Variants in CLIP1 observed in about 807,000 individuals in gnomAD.
The protein encoded by CLIP1 is CAP-Gly domain-containing linker protein 1.
A neutral mutation model predicts 161.6 loss-of-function variants in CLIP1; 66 were observed. The observed-to-expected ratio is 0.41, with a 90% confidence interval of 0.33 to 0.50. The LOEUF is 0.50. Among genes scored for constraint, CLIP1 ranks in the 20% least tolerant of loss-of-function variants. The pLI, the probability that CLIP1 is intolerant of heterozygous loss-of-function variation, is 0.27. For synonymous variants in CLIP1, 598 were observed against 626.2 expected, an observed-to-expected ratio of 0.96 and a Z score of 0.67; for missense variants, 1,376 against 1,702.0, an observed-to-expected ratio of 0.81 and a Z score of 3.37.
intron 1 of CLIP1, among the ~76,000 whole-genome samples, chr12:122,420,212 G>C (rs1391272181): frequency 6.6e-6 from 1 of 151,782 alleles, no homozygotes; most frequent in Non-Finnish European, 1.5e-5. Context: ...AGGCATGGTG[G>C]CAGGCACCTA....
At chr12:122,391,608 A>G (rs946411877) in intron 1 of CLIP1, among the ~76,000 whole-genome samples, 1 of 152,130 alleles carries the variant, frequency 6.6e-6, no homozygotes, top group African/African-American at 2.4e-5. Context: ...AATAAATAAA[A>G]TAGTAATAAG....
intron 10 of CLIP1, 60 bp from the exon 11 acceptor site, chr12:122,341,757 CTTTTCTTTTTTTT>C: frequency 2.2e-5 from 2 of 89,254 alleles, no homozygotes; most frequent in South Asian, 2.0e-4. Flanking sequence ...TGACTATTTT[CTTTTCTTTTTTTT>C]TTTTTTTTTT....
At chr12:122,319,502 A>T (rs901260657) in intron 17 of CLIP1, among the ~76,000 whole-genome samples, 154 bp from the exon 18 acceptor site, 6 of 152,278 alleles carry the variant, frequency 3.9e-5, no homozygotes, top group Admixed American at 6.5e-5. Context: ...GTGCTGAAAC[A>T]GACGGACCAG....
At chr12:122,409,811 C>T (rs1046332707) in intron 1 of CLIP1, among the ~76,000 whole-genome samples, 7 of 151,980 alleles carry the variant, frequency 4.6e-5, no homozygotes, top group Admixed American at 6.6e-5. Context: ...AGATGACAGG[C>T]GTGGGCCACC....
chr12:122,373,318 G>C lies in CLIP1; in HGVS notation c.657+4071C>G, dbSNP rs1447863736. On this transcript the variant is annotated intron_variant, in intron 3 of 25. Transcript: ENST00000620786. The stretch of plus-strand genomic sequence containing the variant: ...GCGCACGTCTGTAGTCCCAGCTCCG[G>C]AGGCTGAGGCACGAGAATCGCTTGA... 3.3e-5 allele frequency among the ~76,000 whole-genome samples: 5 copies of C among 151,868 alleles called. No homozygotes were observed. The East Asian group carries it at 9.7e-4, about 29-fold the overall frequency.
intron 17 of CLIP1, among the ~76,000 whole-genome samples, chr12:122,320,487 A>G (rs964566767): frequency 6.6e-5 from 10 of 151,804 alleles, no homozygotes; most frequent in African/African-American, 2.4e-4. Flanking sequence ...CATGCCTGTA[A>G]TCCTAGCACT....
Position 122,272,640 on chromosome 12 carries a change from T to C in CLIP1, c.*235A>G. The C allele has an allele frequency of 2.0e-6, 1 of 509,234 alleles. No homozygotes were observed. The highest frequency in any genetic ancestry group is 3.4e-5 in the East Asian group (1 of 29,684). The allele number at this position is 509,234 out of a possible 1,614,324, so 31.5% of individuals were successfully genotyped here. A position where few individuals can be genotyped will look rare whatever the true frequency, so the allele number is the denominator to read the frequency against. ...GCATCTGGTGCAATGTCTTCAAACGTAAAAATCAAGAAAACAAAATTCGAG... is the reference window on the plus strand; with the variant it reads ...GCATCTGGTGCAATGTCTTCAAACGCAAAAATCAAGAAAACAAAATTCGAG... On this transcript the variant is annotated 3_prime_UTR_variant, in exon 26 of 26. Coordinates refer to ENST00000620786, the MANE Select transcript of CLIP1 (RefSeq NM_001247997.2).
chr12:122,381,335 G>C (rs962843952), intron 1 of CLIP1, among the ~76,000 whole-genome samples: 1 of 152,070 alleles, frequency 6.6e-6, no homozygotes, highest in African/African-American at 2.4e-5. Context: ...TTAAACTACA[G>C]GAAGATTAAA....
intron 19 of CLIP1, among the ~76,000 whole-genome samples, chr12:122,310,297 C>T (rs552580360): frequency 6.6e-6 from 1 of 152,356 alleles, no homozygotes; most frequent in South Asian, 2.1e-4. Flanking sequence ...TCTGTTCTAA[C>T]TGCACAGATC....
rs909858472 is a variant in CLIP1 at position 122,279,925 on chromosome 12, G to C, written c.3648-780C>G. 5 of 152,240 alleles carry C rather than the reference G, an allele frequency of 3.3e-5. No homozygotes were observed. Among genetic ancestry groups the C allele is most frequent in the African/African-American group, 1.2e-4 (5 of 41,418 alleles). 9.4% of individuals were successfully genotyped at this position (152,240 alleles called of 1,614,324 possible). ...GCACTTGGTTATCAGCAGAGGGCGGGGATGAGGCCTTTAATGAGAGGGTTG... is the reference window on the plus strand; with the variant it reads ...GCACTTGGTTATCAGCAGAGGGCGGCGATGAGGCCTTTAATGAGAGGGTTG... On this transcript the variant is annotated intron_variant, in intron 21 of 25. Coordinates refer to ENST00000620786, the MANE Select transcript of CLIP1 (RefSeq NM_001247997.2). The surrounding 1 kb of genome is among the most constrained non-coding windows in gnomAD (Gnocchi z 4.5).
At chr12:122,379,222 C>T (rs757555870) in intron 2 of CLIP1, among the ~76,000 whole-genome samples, 6 of 151,608 alleles carry the variant, frequency 4.0e-5, no homozygotes, top group Non-Finnish European at 8.8e-5. Context: ...GCAGGAGAAT[C>T]GCTTGAACCT....
intron 17 of CLIP1, chr12:122,322,437 T>C (rs1051332682): frequency 6.5e-6 from 1 of 152,820 alleles, no homozygotes; most frequent in African/African-American, 2.4e-5. Context: ...GTGAGGCAGC[T>C]GTGCAGTTCC....
intron 1 of CLIP1, among the ~76,000 whole-genome samples, chr12:122,418,003 A>G (rs1176814787): frequency 6.6e-6 from 1 of 151,934 alleles, no homozygotes; most frequent in Non-Finnish European, 1.5e-5. Flanking sequence ...TTGCTGCCCT[A>G]TGTAAAATTT....
intron 15 of CLIP1, among the ~76,000 whole-genome samples, 175 bp from the exon 16 acceptor site, chr12:122,328,601 G>C (rs1209910847): frequency 1.3e-5 from 2 of 151,028 alleles, no homozygotes; most frequent in Admixed American, 1.3e-4. Flanking sequence ...TTTTGTTTTG[G>C]GGGGGCGGAG....
chr12:122,328,010 C>G lies in CLIP1; in HGVS notation c.3186G>C (p.Arg1062=). The G allele has an allele frequency of 6.2e-7, 1 of 1,614,176 alleles. No homozygotes were observed. The highest frequency in any genetic ancestry group is 8.5e-7 in the Non-Finnish European group (1 of 1,180,040). The change falls in exon 17 of 26, where the codon CGG becomes CGC. Residue 1062 remains arginine, a synonymous_variant. Transcript: ENST00000620786. Reference sequence around the variant, plus strand: ...CCTGCAGCAAGCCACTGTTCTCCTCCCGTGCGCCCTTCAGCTTGTCCTCTG... The same window carrying G: ...CCTGCAGCAAGCCACTGTTCTCCTCGCGTGCGCCCTTCAGCTTGTCCTCTG... ...LDTEDKLKGA[R]EENSGLLQEL... is the part of the protein sequence containing the mutation.
At chr12:122,382,361 C>CA (rs751549443) in intron 1 of CLIP1, among the ~76,000 whole-genome samples, 4,041 of 135,966 alleles carry the variant, frequency 0.03, 109 homozygotes, top group African/African-American at 0.081. Context: ...AACTCCGTCT[C>CA]AAAAAAAAAA....
intron 15 of CLIP1, among the ~76,000 whole-genome samples, chr12:122,330,774 T>G (rs1951920333): frequency 6.6e-6 from 1 of 151,474 alleles, no homozygotes; most frequent in Non-Finnish European, 1.5e-5. Flanking sequence ...TCATTTTTTG[T>G]ATTTTTTTAG....
At chr12:122,410,788 A>G (rs534472478) in intron 1 of CLIP1, among the ~76,000 whole-genome samples, 1 of 152,302 alleles carries the variant, frequency 6.6e-6, no homozygotes, top group South Asian at 2.1e-4. Context: ...GGTAAAAAGA[A>G]AAAGATAACA....
chr12:122,312,990 C>T (rs1224559500), intron 19 of CLIP1, among the ~76,000 whole-genome samples: 1 of 152,162 alleles, frequency 6.6e-6, no homozygotes, highest in African/African-American at 2.4e-5. Flanking sequence ...GCACTGTTCC[C>T]ATTACACAGT....
Sources: allele counts gnomAD v4.1 joint callset (sites outside exome capture counted in the v4.1 genomes callset), GRCh38; gene constraint gnomAD v4.1.1; non-coding constraint Gnocchi (gnomAD v3.1); transcripts MANE v1.5; gene names NCBI Gene and HGNC (gene_info 2026-07-23, HGNC 2026-07-21).